The following PPARGC1B variants were observed in gnomAD, a reference collection of about 807,000 sequenced individuals.
The protein encoded by PPARGC1B is PPARG coactivator 1 beta.
In PPARGC1B, 34 loss-of-function variants were observed where a neutral mutation model predicts 101.6. The observed-to-expected ratio is 0.33, with a 90% CI of 0.25 to 0.45. PPARGC1B has a LOEUF of 0.45. Ranked by LOEUF, PPARGC1B falls within the 20% of genes least tolerant of loss-of-function variation. PPARGC1B has a pLI of 1.00. For synonymous variants in PPARGC1B, 548 were observed against 539.3 expected (o/e 1.02, Z -0.22); for missense variants, 1,234 against 1,317.6 (o/e 0.94, Z 0.98).
chr5:149,817,144 C>T (rs900464991), intron 1 of PPARGC1B, among the ~76,000 whole-genome samples: 1 of 152,160 alleles, frequency 6.6e-6, no homozygotes, highest in South Asian at 2.1e-4. Flanking sequence ...AATGCTCTTC[C>T]CACCTCTTCC....
At chr5:149,792,284 C>G (rs1159125171) in intron 1 of PPARGC1B, among the ~76,000 whole-genome samples, 1 of 152,206 alleles carries the variant, frequency 6.6e-6, no homozygotes, top group Non-Finnish European at 1.5e-5. Flanking sequence ...CCAGGGGAGA[C>G]TTCGGAATTT....
chr5:149,808,458 C>T (rs746968407), intron 1 of PPARGC1B, among the ~76,000 whole-genome samples: 22 of 152,022 alleles, frequency 1.4e-4, no homozygotes, highest in Non-Finnish European at 2.5e-4. Flanking sequence ...ATGTTGCTCT[C>T]GGTAGAGCTG....
intron 1 of PPARGC1B, among the ~76,000 whole-genome samples, chr5:149,790,711 T>A (rs1391048716): frequency 6.6e-6 from 1 of 152,174 alleles, no homozygotes. Flanking sequence ...TCAGTGCATT[T>A]CCTTCTGTTG....
chr5:149,746,167 G>A (rs1353804119), intron 1 of PPARGC1B, among the ~76,000 whole-genome samples: 1 of 152,172 alleles, frequency 6.6e-6, no homozygotes, highest in South Asian at 2.1e-4. Context: ...TCTAGCTAGT[G>A]TAGTGAGGCC....
chr5:149,808,576 C>T (rs1757685067), intron 1 of PPARGC1B, among the ~76,000 whole-genome samples: 1 of 152,140 alleles, frequency 6.6e-6, no homozygotes, highest in African/African-American at 2.4e-5. Flanking sequence ...GAACTCTCAG[C>T]GTTTTTGCCC....
At chr5:149,855,274 G>A (rs1017082848), downstream of PPARGC1B, among the ~76,000 whole-genome samples, 2 of 151,796 alleles carry the variant, frequency 1.3e-5, no homozygotes, top group African/African-American at 2.4e-5. Context: ...GGCCAGCCTG[G>A]GCAACATAGT....
intron 7 of PPARGC1B, among the ~76,000 whole-genome samples, chr5:149,835,586 A>T (rs1364458252): frequency 2.6e-5 from 4 of 152,218 alleles, no homozygotes; most frequent in Non-Finnish European, 5.9e-5. Flanking sequence ...ATGAACCAGC[A>T]TTACAGGCGT....
chr5:149,790,525 G>T (rs1756979652), intron 1 of PPARGC1B, among the ~76,000 whole-genome samples: 1 of 152,164 alleles, frequency 6.6e-6, no homozygotes, highest in Admixed American at 6.5e-5. Flanking sequence ...TCAGTAGCCT[G>T]CACTTCCTGG....
At chr5:149,766,346 A>G (rs1455559022) in intron 1 of PPARGC1B, among the ~76,000 whole-genome samples, 2 of 152,236 alleles carry the variant, frequency 1.3e-5, no homozygotes, top group African/African-American at 4.8e-5. Flanking sequence ...TAATCTATAT[A>G]TTTAAAGGTA....
At chr5:149,747,885 A>G (rs1755146242) in intron 1 of PPARGC1B, among the ~76,000 whole-genome samples, 1 of 152,172 alleles carries the variant, frequency 6.6e-6, no homozygotes, top group Admixed American at 6.5e-5. Flanking sequence ...CTGCTTTGCC[A>G]GAGGCCCATC....
At chr5:149,809,102 C>A (rs1465548929) in intron 1 of PPARGC1B, among the ~76,000 whole-genome samples, 1 of 150,596 alleles carries the variant, frequency 6.6e-6, no homozygotes. Flanking sequence ...ACAGAAAGAC[C>A]CCTATCTCCA....
At chr5:149,801,018 G>A (rs1018886664) in intron 1 of PPARGC1B, among the ~76,000 whole-genome samples, 1 of 152,308 alleles carries the variant, frequency 6.6e-6, no homozygotes, top group Admixed American at 6.5e-5. Flanking sequence ...ATATGGCGTG[G>A]ATCAGGTAGT....
chr5:149,792,357 A>T (rs1305345279), intron 1 of PPARGC1B, among the ~76,000 whole-genome samples: 2 of 151,866 alleles, frequency 1.3e-5, no homozygotes, highest in African/African-American at 4.8e-5. Flanking sequence ...GTGGGGTGCT[A>T]CTCCCTCATT....
At chr5:149,762,772 A>G (rs1755762758) in intron 1 of PPARGC1B, among the ~76,000 whole-genome samples, 1 of 152,098 alleles carries the variant, frequency 6.6e-6, no homozygotes, top group Non-Finnish European at 1.5e-5. Context: ...GTTCTCCCTC[A>G]TGGCGCCAAG....
intron 8 of PPARGC1B, among the ~76,000 whole-genome samples, chr5:149,839,797 A>G (rs1759259819): frequency 6.6e-6 from 1 of 152,202 alleles, no homozygotes; most frequent in Admixed American, 6.5e-5. Context: ...TGAGCAACAC[A>G]GTGGTTCCCG....
At chr5:149,771,940 A>G (rs763858174) in intron 1 of PPARGC1B, 6 of 1,201,146 alleles carry the variant, frequency 5.0e-6, no homozygotes, top group Non-Finnish European at 6.7e-6. Context: ...ATTCTGCTTT[A>G]CATTCTCATT....
At chr5:149,762,841 C>A (rs773756416) in intron 1 of PPARGC1B, among the ~76,000 whole-genome samples, 2 of 152,058 alleles carry the variant, frequency 1.3e-5, no homozygotes, top group Admixed American at 1.3e-4. Flanking sequence ...GTCTGGAGTG[C>A]AATGGTGTGA....
chr5:149,837,643 G>A lies in PPARGC1B; in HGVS notation c.2618+570G>A, dbSNP rs547691791. Among the ~76,000 whole-genome samples, 1 of 152,334 alleles carries A rather than the reference G, an allele frequency of 6.6e-6. No homozygotes were observed. The highest frequency in any genetic ancestry group is 6.5e-5 in the Admixed American group (1 of 15,304). ...TGGAGGGATGATGCCTCATGAGCCC[G>A]CTTGCTCGTATCATCCTCGCTCGCT... On this transcript the variant is annotated intron_variant, in intron 8 of 11. Transcript: ENST00000309241. The surrounding 1 kb of genome is among the most constrained non-coding windows in gnomAD (Gnocchi z 4.2).
chr5:149,801,191 A>C (rs889901717), intron 1 of PPARGC1B, among the ~76,000 whole-genome samples: 2 of 152,208 alleles, frequency 1.3e-5, no homozygotes, highest in African/African-American at 4.8e-5. Flanking sequence ...GCCAGGTGCC[A>C]GGGATACAGT....
Sources: allele counts gnomAD v4.1 joint callset (sites outside exome capture counted in the v4.1 genomes callset), GRCh38; gene constraint gnomAD v4.1.1; non-coding constraint Gnocchi (gnomAD v3.1); transcripts MANE v1.5; gene names NCBI Gene and HGNC (gene_info 2026-07-23, HGNC 2026-07-21).